Variants in DEFB121 observed in about 807,000 individuals in gnomAD.
The protein encoded by DEFB121 is beta-defensin 121.
Under a neutral mutation model 2.5 loss-of-function variants are expected in DEFB121, and 5 were observed. That is an observed-to-expected ratio of 1.96 (90% CI 1.03 to 4.13). The LOEUF is 4.13. Among genes scored for constraint, DEFB121 ranks in the 30% most tolerant of loss-of-function variants. DEFB121 has a pLI of 0.00. For missense variants in DEFB121, 87 were observed against 85.0 expected (o/e 1.02, Z -0.09); for synonymous variants, 39 against 32.6 (o/e 1.20, Z -0.67).
upstream of DEFB121, among the ~76,000 whole-genome samples, chr20:31,408,977 G>C (rs192236343): frequency 1.5e-4 from 22 of 151,718 alleles, no homozygotes; most frequent in African/African-American, 5.1e-4. Context: ...AGTGAGCCGA[G>C]ATGGTGCCAT....
At chr20:31,415,605 A>G (rs1054300755), upstream of DEFB121, among the ~76,000 whole-genome samples, 3 of 151,914 alleles carry the variant, frequency 2.0e-5, no homozygotes, top group Non-Finnish European at 2.9e-5. Flanking sequence ...CAGAATGTCC[A>G]CATACATAAA....
chr20:31,407,241 C>T (rs1238218788), upstream of DEFB121, among the ~76,000 whole-genome samples: 2 of 152,152 alleles, frequency 1.3e-5, no homozygotes, highest in Non-Finnish European at 2.9e-5. Context: ...CAGAGCGAGA[C>T]TCTGTCTCAA....
At chr20:31,408,452 A>C (rs1435191951), upstream of DEFB121, among the ~76,000 whole-genome samples, 1 of 152,086 alleles carries the variant, frequency 6.6e-6, no homozygotes, top group Non-Finnish European at 1.5e-5. Context: ...TGTCTCCAAA[A>C]ACAAAAAAAA....
At chr20:31,414,236 GAGAAAGGAAGGA>G (rs1226950869), upstream of DEFB121, among the ~76,000 whole-genome samples, 1 of 149,142 alleles carries the variant, frequency 6.7e-6, no homozygotes, top group African/African-American at 2.5e-5. Flanking sequence ...GAAGGAAAGA[GAGAAAGGAAGGA>G]AGAAAGGAAG....
At chr20:31,408,274 TC>T (rs1978550518), upstream of DEFB121, among the ~76,000 whole-genome samples, 1 of 151,928 alleles carries the variant, frequency 6.6e-6, no homozygotes. Context: ...CGAGACTCCA[TC>T]TCTACACACA....
chr20:31,413,179 C>A (rs1182295090), upstream of DEFB121, among the ~76,000 whole-genome samples: 2 of 152,176 alleles, frequency 1.3e-5, no homozygotes, highest in African/African-American at 4.8e-5. Context: ...GGACTAAGGA[C>A]AAAGGTGCGG....
upstream of DEFB121, among the ~76,000 whole-genome samples, chr20:31,415,141 T>C (rs1978771955): frequency 1.3e-5 from 2 of 152,236 alleles, no homozygotes; most frequent in Non-Finnish European, 2.9e-5. Flanking sequence ...TAATAATGTG[T>C]TGAACACAAA....
upstream of DEFB121, among the ~76,000 whole-genome samples, chr20:31,409,305 T>C (rs1047953345): frequency 2.6e-5 from 4 of 152,200 alleles, no homozygotes; most frequent in Non-Finnish European, 4.4e-5. Flanking sequence ...AAAACTTGAA[T>C]TGTCATAGTA....
chr20:31,413,598 T>C (rs533117846), upstream of DEFB121, among the ~76,000 whole-genome samples: 4 of 152,274 alleles, frequency 2.6e-5, no homozygotes, highest in African/African-American at 9.6e-5. Flanking sequence ...AGCCACTCAT[T>C]TGGTGCTGAT....
upstream of DEFB121, among the ~76,000 whole-genome samples, chr20:31,417,083 C>G (rs2122368809): frequency 6.6e-6 from 1 of 152,302 alleles, no homozygotes; most frequent in African/African-American, 2.4e-5. Context: ...CAATGGCTCA[C>G]ATCTATAATC....
chr20:31,408,891 T>C (rs989445771), upstream of DEFB121, among the ~76,000 whole-genome samples: 1 of 151,598 alleles, frequency 6.6e-6, no homozygotes, highest in Admixed American at 6.6e-5. Flanking sequence ...CCATGTGGGG[T>C]GGTGAGCAAC....
chr20:31,406,028 TC>T (rs1600528988), intron 1 of DEFB121, 66 bp downstream of exon 1: 1 of 1,556,380 alleles, frequency 6.4e-7, no homozygotes, highest in Non-Finnish European at 8.8e-7. Context: ...CCTGTCAGAG[TC>T]CCCAGAGTTC....
chr20:31,418,409 G>A, the DEFB121 span, among the ~76,000 whole-genome samples: 1 of 152,068 alleles, frequency 6.6e-6, no homozygotes, highest in South Asian at 2.1e-4. Flanking sequence ...AATGGCTTCG[G>A]ATTTCTCCAC....
chr20:31,404,965 T>A lies in DEFB121; in HGVS notation c.179A>T (p.Lys60Ile). Residue 60 changes from lysine (K) to isoleucine (I), a missense_variant, in exon 2 of 2, where the codon AAA (lysine) becomes ATA (isoleucine). Coordinates refer to ENST00000376314, the MANE Select transcript of DEFB121 (RefSeq NM_001011878.3). ...TGTATTTGTGTCTGTTAATTTTGGT[T>A]TTACAGGTACATACTTGGGATCCAC... Reference protein sequence around the residue: ...CCVDPKYVPVKPKLTDTNTSL... With the variant: ...CCVDPKYVPVIPKLTDTNTSL... 6.2e-7 allele frequency: 1 copy of A among 1,613,640 alleles called. No homozygotes were observed. Among genetic ancestry groups the A allele is most frequent in the Non-Finnish European group, 8.5e-7 (1 of 1,179,880 alleles).
At chr20:31,408,524 TA>T (rs1173742776), upstream of DEFB121, among the ~76,000 whole-genome samples, 1 of 152,202 alleles carries the variant, frequency 6.6e-6, no homozygotes, top group African/African-American at 2.4e-5. Flanking sequence ...ACTTTTTCTA[TA>T]AAGCCCAGAT....
chr20:31,416,932 T>A (rs1467344955), upstream of DEFB121, among the ~76,000 whole-genome samples: 1 of 152,186 alleles, frequency 6.6e-6, no homozygotes, highest in Non-Finnish European at 1.5e-5. Flanking sequence ...ATACTCTGTT[T>A]ATCTGAGTCC....
At position 31,405,077 on chromosome 20, in the gene DEFB121, A is replaced by G. The variant is rs746306343; in HGVS notation, c.67T>C (p.Cys23Arg). 6.3e-7 allele frequency: 1 copy of G among 1,593,824 alleles called. No individual in the cohort carries two copies. The highest frequency in any genetic ancestry group is 8.5e-7 in the Non-Finnish European group (1 of 1,174,420). ...CTGCACCTGCCTGACTTGCCCCAAC[A>G]TTTCATGACTGAAAACAAAAGGGAA... ...LLAQVTPVMK[C>R]WGKSGRCRTT... Residue 23 changes from cysteine to arginine, a missense_variant, in exon 2 of 2, where the codon TGT becomes CGT. Transcript: ENST00000376314.
At chr20:31,407,240 ACT>A (rs1178622596), upstream of DEFB121, among the ~76,000 whole-genome samples, 2 of 152,048 alleles carry the variant, frequency 1.3e-5, no homozygotes, top group South Asian at 2.1e-4. Context: ...ACAGAGCGAG[ACT>A]CTGTCTCAAA....
intron 1 of DEFB121, among the ~76,000 whole-genome samples, chr20:31,411,862 A>T (rs2122360046): frequency 1.3e-5 from 2 of 152,356 alleles, no homozygotes; most frequent in Middle Eastern, 3.4e-3. Context: ...TTAATTCAAC[A>T]TCATTCCCCT....
Sources: gnomAD v4.1 joint callset for allele counts (sites outside exome capture counted in the v4.1 genomes callset) on GRCh38, gnomAD v4.1.1 for gene constraint, MANE v1.5 for transcripts, NCBI Gene and HGNC (gene_info 2026-07-23, HGNC 2026-07-21) for gene names.